The following LTA variants were observed in gnomAD, a reference collection of about 807,000 sequenced individuals.
The protein encoded by LTA is lymphotoxin alpha, also known as lymphotoxin-alpha.
LTA carries 6 observed loss-of-function variants against 15.1 expected under a neutral mutation model. The ratio of observed to expected loss-of-function variants is 0.40; its 90% CI spans 0.22 to 0.78. LTA has a LOEUF of 0.78. Among genes scored for constraint, LTA ranks in the 30% least tolerant of loss-of-function variants. The pLI, the probability that LTA is intolerant of heterozygous loss-of-function variation, is 0.38. For synonymous variants in LTA, 87 were observed against 107.3 expected, an observed-to-expected ratio of 0.81 and a Z score of 1.17; for missense variants, 173 against 249.5, an observed-to-expected ratio of 0.69 and a Z score of 2.06.
upstream of LTA, among the ~76,000 whole-genome samples, chr6:31,568,975 AC>A (rs1770702748): frequency 6.6e-6 from 1 of 151,174 alleles, no homozygotes; most frequent in Non-Finnish European, 1.5e-5. The surrounding 1 kb of genome is among the most constrained non-coding windows in gnomAD (Gnocchi z 4.1). Flanking sequence ...TAATTGCAAT[AC>A]CTTTTTTTGT....
At chr6:31,568,552 C>CT (rs982009398), upstream of LTA, among the ~76,000 whole-genome samples, 10 of 152,118 alleles carry the variant, frequency 6.6e-5, no homozygotes, top group Admixed American at 6.5e-5. The surrounding 1 kb of genome is among the most constrained non-coding windows in gnomAD (Gnocchi z 4.1). Context: ...GGTTTTGAGG[C>CT]TAAGTTCAAG....
chr6:31,560,631 G>A, the LTA span, among the ~76,000 whole-genome samples: 1 of 152,214 alleles, frequency 6.6e-6, no homozygotes, highest in South Asian at 2.1e-4. Context: ...TGAAACAGTG[G>A]GTAGGTGGAA....
rs760906452 is a variant in LTA, at chr6:31,573,684, C to T, written c.609C>T (p.Phe203=). 15 of 1,613,544 alleles carry T rather than the reference C, an allele frequency of 9.3e-6. No individual in the cohort carries two copies. The highest frequency in any genetic ancestry group is 1.6e-4 in the Middle Eastern group (1 of 6,082). ...LSPSTVFFGA[F]AL is the part of the protein sequence containing the mutation. ...CTAGTACTGTCTTCTTTGGAGCCTTCGCTCTGTAGAACTTGGAAAAATCCA... is the reference window on the plus strand; with the variant it reads ...CTAGTACTGTCTTCTTTGGAGCCTTTGCTCTGTAGAACTTGGAAAAATCCA... Residue 203 remains phenylalanine (F), a synonymous_variant, in exon 4 of 4, where the codon TTC becomes TTT. Coordinates refer to ENST00000418386, the MANE Select transcript of LTA (RefSeq NM_000595.4).
At chr6:31,569,665 C>A (rs1030666962), upstream of LTA, among the ~76,000 whole-genome samples, 1 of 151,946 alleles carries the variant, frequency 6.6e-6, no homozygotes, top group African/African-American at 2.4e-5. Context: ...GGCTTGGTGG[C>A]GTGTGCCTGT....
the LTA span, among the ~76,000 whole-genome samples, chr6:31,566,885 A>T: frequency 6.6e-6 from 1 of 151,998 alleles, no homozygotes; most frequent in Non-Finnish European, 1.5e-5. Context: ...GGTTGCAGTG[A>T]GCTGAGATTA....
Position 31,572,859 on chromosome 6 carries a change from T to C in LTA, c.99+18T>C, listed in dbSNP as rs1770923113. 10 of 1,611,020 alleles carry C rather than the reference T, an allele frequency of 6.2e-6. No individual in the cohort carries two copies. The highest frequency in any genetic ancestry group is 1.3e-5 in the African/African-American group (1 of 74,776). ...GGGCCCAGGTGAGGCAGCAGGAGAA[T>C]GGGGGCTGCTGGGGTGGCTCAGCCA... On this transcript the variant is annotated intron_variant, in intron 2 of 3. Transcript: ENST00000418386.
intron 1 of LTA, 30 bp from the exon 2 acceptor site, chr6:31,572,704 G>GGC: frequency 8.4e-6 from 12 of 1,436,802 alleles, no homozygotes; most frequent in South Asian, 1.2e-5. Context: ...CCCGCTCACT[G>GGC]TCTCTCTCTC....
In LTA at chr6:31,573,800, T is replaced by G; in HGVS notation, c.*107T>G. ...GTCGTCACCACCTCTCCTTTGGCCA[T>G]TCCAACAGCTCAAGTCTTCCCTGAT... On this transcript the variant is annotated 3_prime_UTR_variant, in exon 4 of 4. Coordinates refer to ENST00000418386, the MANE Select transcript of LTA (RefSeq NM_000595.4). The G allele has an allele frequency of 1.7e-5, 21 of 1,248,460 alleles. No homozygotes were observed. The highest frequency in any genetic ancestry group is 2.3e-5 in the Non-Finnish European group (20 of 864,700). 77.3% of individuals were successfully genotyped at this position (1,248,460 alleles called of 1,614,324 possible).
chr6:31,567,645 A>AACACACAC (rs9279356), upstream of LTA, among the ~76,000 whole-genome samples: 2 of 122,074 alleles, frequency 1.6e-5, no homozygotes, highest in South Asian at 5.4e-4. Context: ...TCTCCCCTGC[A>AACACACAC]ACACACACAC....
At position 31,573,706 on chromosome 6, in the gene LTA, T is replaced by A; in HGVS notation, c.*13T>A. The A allele has an allele frequency of 6.2e-7, 1 of 1,613,306 alleles. No homozygotes were observed. Among genetic ancestry groups the A allele is most frequent in the Non-Finnish European group, 8.5e-7 (1 of 1,179,708 alleles). On this transcript the variant is annotated 3_prime_UTR_variant, in exon 4 of 4. Transcript: ENST00000418386. ...CTTCGCTCTGTAGAACTTGGAAAAA[T>A]CCAGAAAGAAAAAATAATTGATTTC...
upstream of LTA, among the ~76,000 whole-genome samples, chr6:31,569,679 C>A (rs1367287590): frequency 6.6e-6 from 1 of 151,998 alleles, no homozygotes; most frequent in Non-Finnish European, 1.5e-5. Context: ...TGCCTGTAAT[C>A]CCAGCTACTC....
Position 31,573,559 on chromosome 6 carries a change from C to T in LTA, c.484C>T (p.Pro162Ser), listed in dbSNP as rs1342407234. ...QKMVYPGLQE[P>S]WLHSMYHGAA... ...GATGGTGTATCCAGGGCTGCAGGAACCCTGGCTGCACTCGATGTACCACGG... is the reference window on the plus strand; with the variant it reads ...GATGGTGTATCCAGGGCTGCAGGAATCCTGGCTGCACTCGATGTACCACGG... The change falls in exon 4 of 4, where the codon CCC becomes TCC. Residue 162 changes from proline to serine, a missense_variant. By Grantham distance (74) the Pro-to-Ser change is moderately conservative (BLOSUM62 -1). Coordinates refer to ENST00000418386, the MANE Select transcript of LTA (RefSeq NM_000595.4). The T allele has an allele frequency of 6.2e-7, 1 of 1,614,028 alleles. No individual in the cohort carries two copies. Among genetic ancestry groups the T allele is most frequent in the Admixed American group, 1.7e-5 (1 of 59,996 alleles).
Position 31,573,826 on chromosome 6 carries a change from C to A in LTA, c.*133C>A. 9.4e-7 allele frequency: 1 copy of A among 1,060,614 alleles called. No homozygotes were observed. The highest frequency in any genetic ancestry group is 1.4e-6 in the Non-Finnish European group (1 of 703,802). 65.7% of individuals were successfully genotyped at this position (1,060,614 alleles called of 1,614,324 possible). On this transcript the variant is annotated 3_prime_UTR_variant, in exon 4 of 4. Transcript: ENST00000418386. Reference sequence around the variant, plus strand: ...TCCAACAGCTCAAGTCTTCCCTGATCAAGTCACCGGAGCTTTCAAAGAAGG... The same window carrying A: ...TCCAACAGCTCAAGTCTTCCCTGATAAAGTCACCGGAGCTTTCAAAGAAGG...
chr6:31,561,869 A>G, the LTA span, among the ~76,000 whole-genome samples: 1 of 152,028 alleles, frequency 6.6e-6, no homozygotes, highest in African/African-American at 2.4e-5. Context: ...TAAAGTGCTC[A>G]ATGAAGGTTT....
chr6:31,572,774 G>C lies in LTA; in HGVS notation c.32G>C (p.Arg11Thr). 1 of 1,610,452 alleles carries C rather than the reference G, an allele frequency of 6.2e-7. No individual in the cohort carries two copies. Among genetic ancestry groups the C allele is most frequent in the Non-Finnish European group, 8.5e-7 (1 of 1,179,714 alleles). The change falls in exon 2 of 4, where the codon AGG becomes ACG. Residue 11 changes from arginine (R) to threonine (T), a missense_variant. Physicochemically the swap from Arg to Thr is moderately conservative, Grantham distance 71. Coordinates refer to ENST00000418386, the MANE Select transcript of LTA (RefSeq NM_000595.4). ...CCACCTGAACGTCTCTTCCTCCCAA[G>C]GGTGTGTGGCACCACCCTACACCTC... MTPPERLFLP[R>T]VCGTTLHLLL... is the part of the protein sequence containing the mutation.
rs913036756 is a variant in LTA at position 31,572,338 on chromosome 6, G to A, written c.-118G>A. On this transcript the variant is annotated 5_prime_UTR_variant, in exon 1 of 4. In the 5' UTR this introduces an upstream ATG that the reference lacks. Transcript: ENST00000418386. ...CCTGCCCCATCTCCTTGGGCTGCCC[G>A]TGCTTCGTGCTTTGGACTACCGCCC... 2.1e-5 allele frequency: 6 copies of A among 285,492 alleles called. No individual in the cohort carries two copies. The highest frequency in any genetic ancestry group is 3.3e-5 in the Non-Finnish European group (5 of 151,510). The allele number at this position is 285,492 out of a possible 1,614,324, so 17.7% of individuals were successfully genotyped here.
In LTA at chr6:31,573,383, C is replaced by T. The variant is rs1264031053; in HGVS notation, c.308C>T (p.Thr103Ile). Reference sequence around the variant, plus strand: ...AGCAACAATTCTCTCCTGGTCCCCACCAGTGGCATCTACTTCGTCTACTCC... The same window carrying T: ...AGCAACAATTCTCTCCTGGTCCCCATCAGTGGCATCTACTTCGTCTACTCC... ...SLSNNSLLVP[T>I]SGIYFVYSQV... The change falls in exon 4 of 4, where the codon ACC becomes ATC. Residue 103 changes from threonine (T) to isoleucine (I), a missense_variant. Thr to Ile is a moderately conservative substitution (Grantham distance 89). Transcript: ENST00000418386. 24 of 1,614,050 alleles carry T rather than the reference C, an allele frequency of 1.5e-5. No individual in the cohort carries two copies. Among genetic ancestry groups the T allele is most frequent in the Non-Finnish European group, 2.0e-5 (24 of 1,180,036 alleles).
At chr6:31,567,871 C>T (rs760561745), upstream of LTA, among the ~76,000 whole-genome samples, 1 of 152,042 alleles carries the variant, frequency 6.6e-6, no homozygotes, top group Non-Finnish European at 1.5e-5. Context: ...GTCGTCAACA[C>T]CCCCAGCTTG....
rs765801422 is a variant in LTA, at chr6:31,573,006, A to G, written c.178A>G (p.Thr60Ala). ...QHPKMHLAHS[T>A]LKPAAHLIGD... ...CCCCAAGATGCATCTTGCCCACAGC[A>G]CCCTCAAACCTGCTGCTCACCTCAT... is the stretch of plus-strand genomic sequence containing the variant. Residue 60 changes from threonine (T) to alanine (A), a missense_variant, in exon 3 of 4, where the codon ACC becomes GCC. Coordinates refer to ENST00000418386, the MANE Select transcript of LTA (RefSeq NM_000595.4). The G allele has an allele frequency of 8.7e-5, 141 of 1,611,566 alleles. No homozygotes were observed. The African/African-American group carries it at 1.4e-3, about 16-fold the overall frequency.
Sources: allele counts gnomAD v4.1 joint callset (sites outside exome capture counted in the v4.1 genomes callset), GRCh38; gene constraint gnomAD v4.1.1; non-coding constraint Gnocchi (gnomAD v3.1); transcripts MANE v1.5; gene names NCBI Gene and HGNC (gene_info 2026-07-23, HGNC 2026-07-21).